Variants in COL6A5 observed in about 807,000 individuals in gnomAD.
COL6A5 encodes the protein collagen alpha-5(VI) chain.
Under a neutral mutation model 65.6 loss-of-function variants are expected in COL6A5, and 48 were observed. The ratio of observed to expected loss-of-function variants is 0.73; its 90% CI spans 0.58 to 0.93. The LOEUF is 0.93. Ranked by LOEUF, COL6A5 falls within the 40% of genes least tolerant of loss-of-function variation. COL6A5 has a pLI of 0.00. For missense variants in COL6A5, 914 were observed against 928.3 expected (o/e 0.98, Z 0.20); for synonymous variants, 291 against 322.8 (o/e 0.90, Z 1.05).
intron 7 of COL6A5, among the ~76,000 whole-genome samples, chr3:130,471,406 A>G (rs1302493175): frequency 1.3e-5 from 2 of 152,122 alleles, no homozygotes; most frequent in African/African-American, 4.8e-5. Flanking sequence ...GATTCTTTCA[A>G]GTTTGATTTT....
At chr3:130,461,645 G>T (rs760426185) in intron 5 of COL6A5, among the ~76,000 whole-genome samples, 1 of 151,894 alleles carries the variant, frequency 6.6e-6, no homozygotes, top group South Asian at 2.1e-4. Context: ...CAAATGAGGA[G>T]ATATATCCAA....
At chr3:130,425,792 G>A (rs1937591580) in intron 29 of COL6A5, among the ~76,000 whole-genome samples, 3 of 152,174 alleles carry the variant, frequency 2.0e-5, no homozygotes, top group Non-Finnish European at 2.9e-5. Context: ...CTCTTGATGC[G>A]TAATATAACT....
intron 25 of COL6A5, 60 bp downstream of exon 25, chr3:130,418,991 A>G: frequency 7.1e-7 from 1 of 1,416,600 alleles, no homozygotes; most frequent in Admixed American, 2.0e-5. Flanking sequence ...CAAGGTAAAG[A>G]GAAGGGGTTG....
At chr3:130,432,011 A>G in intron 1 of COL6A5, 62 bp downstream of exon 33, 2 of 1,493,712 alleles carry the variant, frequency 1.3e-6, no homozygotes, top group East Asian at 4.9e-5. Context: ...GTGATAGGGC[A>G]GGATGGGAGT....
chr3:130,407,342 G>C (rs1242578870), intron 17 of COL6A5, among the ~76,000 whole-genome samples: 6 of 152,172 alleles, frequency 3.9e-5, no homozygotes. Flanking sequence ...GGAAGAGCTT[G>C]GTTTTTAACC....
intron 4 of COL6A5, among the ~76,000 whole-genome samples, chr3:130,384,042 C>T (rs1479498032): frequency 6.6e-6 from 1 of 152,000 alleles, no homozygotes; most frequent in African/African-American, 2.4e-5. Context: ...AGAAGATAGA[C>T]AATGACAGGT....
chr3:130,393,623 T>G (rs111723889), intron 7 of COL6A5, among the ~76,000 whole-genome samples: 236 of 152,308 alleles, frequency 1.5e-3, no homozygotes, highest in African/African-American at 5.5e-3. Context: ...GAGTTTGGGA[T>G]GCAAGATGTT....
At chr3:130,386,608 A>T (rs922006923) in intron 5 of COL6A5, among the ~76,000 whole-genome samples, 4 of 152,056 alleles carry the variant, frequency 2.6e-5, no homozygotes, top group African/African-American at 9.7e-5. Flanking sequence ...TGCAAGAATA[A>T]AAGATTCCCC....
intron 16 of COL6A5, 25 bp downstream of exon 16, chr3:130,406,200 A>G (rs1284333153): frequency 7.7e-6 from 12 of 1,550,334 alleles, no homozygotes; most frequent in Non-Finnish European, 1.0e-5. Context: ...TTCAAGTATC[A>G]TAAAACTGTC....
intron 1 of COL6A5, among the ~76,000 whole-genome samples, chr3:130,351,352 A>T (rs948705285): frequency 2.0e-5 from 3 of 152,188 alleles, no homozygotes; most frequent in African/African-American, 2.4e-5. Context: ...ACAGCAAAAG[A>T]AACTACCACC....
chr3:130,408,809 A>G (rs1384467064), intron 17 of COL6A5, among the ~76,000 whole-genome samples: 1 of 152,188 alleles, frequency 6.6e-6, no homozygotes, highest in Non-Finnish European at 1.5e-5. Context: ...AACTACGTTG[A>G]AATATTGGGG....
chr3:130,455,897 C>G lies in COL6A5; in HGVS notation c.1544+231C>G, dbSNP rs1709560546. 2.6e-5 allele frequency among the ~76,000 whole-genome samples: 4 copies of G among 152,058 alleles called. No homozygotes were observed. The South Asian group carries it at 8.3e-4, about 32-fold the overall frequency. On this transcript the variant is annotated intron_variant, in intron 5 of 7. Transcript: ENST00000512836. ...TCAGAAATGTCCCTGATATTCTTAC[C>G]AAGCTTAAGATTTCTCTAGCATCCA...
At chr3:130,395,060 A>G (rs1936546223) in exon 8 of COL6A5, 18 of 1,551,650 alleles carry the variant, frequency 1.2e-5, no homozygotes, top group Non-Finnish European at 1.6e-5. Flanking sequence ...CAACTACCAG[A>G]GTATTATTGA....
intron 20 of COL6A5, among the ~76,000 whole-genome samples, chr3:130,412,608 T>A (rs926851868): frequency 6.6e-6 from 1 of 152,262 alleles, no homozygotes; most frequent in African/African-American, 2.4e-5. Flanking sequence ...CTTTGTTTAC[T>A]GTTTCTTCTC....
At chr3:130,353,784 A>G (rs2107614468) in intron 1 of COL6A5, among the ~76,000 whole-genome samples, 1 of 152,168 alleles carries the variant, frequency 6.6e-6, no homozygotes, top group South Asian at 2.1e-4. Context: ...TTGATCTCAA[A>G]CTGTTAGTAA....
At chr3:130,400,650 G>A (rs573739781) in intron 10 of COL6A5, among the ~76,000 whole-genome samples, 1 of 152,286 alleles carries the variant, frequency 6.6e-6, no homozygotes, top group Admixed American at 6.5e-5. Context: ...GGAAAATTCA[G>A]CAAAGCTCTC....
At chr3:130,449,523 T>G (rs1709379560) in intron 4 of COL6A5, among the ~76,000 whole-genome samples, 1 of 152,146 alleles carries the variant, frequency 6.6e-6, no homozygotes, top group Admixed American at 6.5e-5. Context: ...TCCTCAGCCT[T>G]TCCAACACCT....
chr3:130,480,341 G>A (rs554288680), intron 7 of COL6A5, among the ~76,000 whole-genome samples: 8 of 151,948 alleles, frequency 5.3e-5, no homozygotes, highest in East Asian at 1.9e-4. Flanking sequence ...GAAGCTTATC[G>A]TCATAGAAAA....
At chr3:130,398,009 A>G (rs141542829) in intron 9 of COL6A5, 21 bp from the exon 10 acceptor site, 10 of 1,547,144 alleles carry the variant, frequency 6.5e-6, no homozygotes, top group Non-Finnish European at 8.7e-6. Flanking sequence ...TTTACACCAT[A>G]CCATTTTCTT....
Sources: allele counts gnomAD v4.1 joint callset (sites outside exome capture counted in the v4.1 genomes callset), GRCh38; gene constraint gnomAD v4.1.1; transcripts MANE v1.5; gene names NCBI Gene and HGNC (gene_info 2026-07-23, HGNC 2026-07-21).